The following UBE2E1 variants were observed in gnomAD, a reference collection of about 807,000 sequenced individuals.
UBE2E1 encodes the protein ubiquitin conjugating enzyme E2 E1.
A neutral mutation model predicts 21.4 loss-of-function variants in UBE2E1; 6 were observed. The ratio of observed to expected loss-of-function variants is 0.28; its 90% CI spans 0.15 to 0.55. The LOEUF is 0.55. Ranked by LOEUF, UBE2E1 falls within the 20% of genes least tolerant of loss-of-function variation. UBE2E1 has a pLI of 0.93. For missense variants in UBE2E1, 142 were observed against 236.5 expected (o/e 0.60, Z 2.62); for synonymous variants, 87 against 82.7 (o/e 1.05, Z -0.28).
At chr3:23,885,689 C>T (rs528111789) in intron 3 of UBE2E1, among the ~76,000 whole-genome samples, 24 of 151,906 alleles carry the variant, frequency 1.6e-4, no homozygotes, top group African/African-American at 3.1e-4. Context: ...GGTGAAACCC[C>T]ATCTATACTA....
intron 3 of UBE2E1, among the ~76,000 whole-genome samples, chr3:23,877,957 G>A (rs1575036075): frequency 1.3e-5 from 2 of 152,052 alleles, no homozygotes; most frequent in East Asian, 3.9e-4. Flanking sequence ...GAAATACGCT[G>A]GCACTGTTGC....
intron 3 of UBE2E1, among the ~76,000 whole-genome samples, chr3:23,813,026 T>A (rs1353190513): frequency 6.6e-6 from 1 of 151,750 alleles, no homozygotes; most frequent in Admixed American, 6.6e-5. Context: ...TACACTTCAG[T>A]TTCACATCGT....
At chr3:23,862,068 G>T (rs996974644) in intron 3 of UBE2E1, among the ~76,000 whole-genome samples, 3 of 152,206 alleles carry the variant, frequency 2.0e-5, no homozygotes, top group African/African-American at 7.2e-5. Flanking sequence ...CGTGGGGTCG[G>T]CGCCTCACAG....
At chr3:23,812,139 T>C (rs1699408238) in intron 3 of UBE2E1, among the ~76,000 whole-genome samples, 1 of 152,186 alleles carries the variant, frequency 6.6e-6, no homozygotes, top group South Asian at 2.1e-4. Context: ...AAGGGTTTGT[T>C]GATCACAGCT....
rs575383647 is a variant in UBE2E1 at position 23,884,530 on chromosome 3, T to C, written c.204-3037T>C. On this transcript the variant is annotated intron_variant, in intron 3 of 5. Transcript: ENST00000306627. ...GATTATTTTGATGCACAGTGAAATT[T>C]GGGAATCACCAATTTTCTGTACAAT... is the stretch of plus-strand genomic sequence containing the variant. Among the ~76,000 whole-genome samples, 79 of 152,274 alleles carry C rather than the reference T, an allele frequency of 5.2e-4. No homozygotes were observed. The South Asian group carries it at 0.016, about 31-fold the overall frequency.
chr3:23,888,356 C>G (rs1701243025), intron 4 of UBE2E1: 2 of 412,162 alleles, frequency 4.9e-6, no homozygotes, highest in Non-Finnish European at 9.7e-6. Context: ...GGTAGACTGC[C>G]AGATAAAAGT....
chr3:23,807,553 C>A, intron 2 of UBE2E1, 132 bp downstream of exon 2: 1 of 1,108,574 alleles, frequency 9.0e-7, no homozygotes, highest in Non-Finnish European at 1.2e-6. Flanking sequence ...GAAAGAAGGG[C>A]CTTGGAAGCC....
intron 3 of UBE2E1, among the ~76,000 whole-genome samples, chr3:23,815,218 G>C (rs369661327): frequency 2.0e-4 from 30 of 152,306 alleles, no homozygotes; most frequent in African/African-American, 6.7e-4. Context: ...CTGGCCTCAA[G>C]CCGTCCACCC....
chr3:23,845,027 G>A (rs184578325), intron 3 of UBE2E1, among the ~76,000 whole-genome samples: 1 of 152,196 alleles, frequency 6.6e-6, no homozygotes, highest in East Asian at 1.9e-4. Context: ...CTCACCACAA[G>A]GAGGTAAATA....
At chr3:23,873,364 G>A (rs991322178) in intron 3 of UBE2E1, among the ~76,000 whole-genome samples, 21 of 152,200 alleles carry the variant, frequency 1.4e-4, no homozygotes, top group African/African-American at 5.1e-4. Context: ...TGTACTGAGG[G>A]AAGGTACAGG....
intron 3 of UBE2E1, among the ~76,000 whole-genome samples, chr3:23,846,841 A>G (rs146623235): frequency 1.3e-5 from 2 of 152,226 alleles, no homozygotes; most frequent in East Asian, 1.9e-4. Flanking sequence ...TTAACTGCCT[A>G]TAGTAAAAAT....
chr3:23,877,512 C>T (rs1200697732), intron 3 of UBE2E1, among the ~76,000 whole-genome samples: 1 of 152,142 alleles, frequency 6.6e-6, no homozygotes, highest in Non-Finnish European at 1.5e-5. Flanking sequence ...TCCCTGGCCT[C>T]TATCCACCAG....
In UBE2E1 at chr3:23,891,021, T is replaced by C. The variant is rs1701411793; in HGVS notation, c.*415T>C. On this transcript the variant is annotated 3_prime_UTR_variant, in exon 6 of 6. Transcript: ENST00000306627. The stretch of plus-strand genomic sequence containing the variant: ...TGTTTTCCCTTCTTGGAAGGGAACA[T>C]TGATATTTAACAGAGTTTTTAGAGA... 2 of 153,734 alleles carry C rather than the reference T, an allele frequency of 1.3e-5. No individual in the cohort carries two copies. Among genetic ancestry groups the C allele is most frequent in the African/African-American group, 2.4e-5 (1 of 41,500 alleles). The allele number at this position is 153,734 out of a possible 1,614,324, so 9.5% of individuals were successfully genotyped here.
chr3:23,890,603 A>G lies in UBE2E1; in HGVS notation c.579A>G (p.Thr193=). 6 of 1,612,914 alleles carry G rather than the reference A, an allele frequency of 3.7e-6. No homozygotes were observed. The South Asian group carries it at 5.5e-5, about 15-fold the overall frequency. ...GACAGTGGACCAAGAGATACGCTACATAAATTGGGGTTTCACAATTCTTAC... is the reference window on the plus strand; with the variant it reads ...GACAGTGGACCAAGAGATACGCTACGTAAATTGGGGTTTCACAATTCTTAC... The part of the protein sequence containing the change: ...MARQWTKRYA[T] Residue 193 remains threonine, a synonymous_variant, in exon 6 of 6, where the codon ACA becomes ACG. Coordinates refer to ENST00000306627, the MANE Select transcript of UBE2E1 (RefSeq NM_003341.5).
chr3:23,843,927 C>T lies in UBE2E1; in HGVS notation c.203+32417C>T, dbSNP rs150135980. Among the ~76,000 whole-genome samples, 6 of 152,128 alleles carry T rather than the reference C, an allele frequency of 3.9e-5. No homozygotes were observed. The East Asian group carries it at 1.2e-3, about 29-fold the overall frequency. ...TTTAATGTATTTTTTTCTGGTTGCC[C>T]GAGTTACAGATATTGCCATCTTTAT... On this transcript the variant is annotated intron_variant, in intron 3 of 5. Coordinates refer to ENST00000306627, the MANE Select transcript of UBE2E1 (RefSeq NM_003341.5).
At chr3:23,881,178 C>T (rs1489463572) in intron 3 of UBE2E1, among the ~76,000 whole-genome samples, 2 of 152,092 alleles carry the variant, frequency 1.3e-5, no homozygotes, top group South Asian at 2.1e-4. Flanking sequence ...CATCCCCGCT[C>T]CTATTGTTTA....
At chr3:23,861,777 G>A (rs1005183745) in intron 3 of UBE2E1, among the ~76,000 whole-genome samples, 3 of 152,182 alleles carry the variant, frequency 2.0e-5, no homozygotes, top group African/African-American at 4.8e-5. Context: ...GCCACCAAGC[G>A]GCCAGACTCC....
At chr3:23,824,307 G>C (rs764308741) in intron 3 of UBE2E1, among the ~76,000 whole-genome samples, 1 of 152,172 alleles carries the variant, frequency 6.6e-6, no homozygotes, top group Non-Finnish European at 1.5e-5. Context: ...TCTGTGTCCT[G>C]TTTATTGTGA....
chr3:23,822,933 G>A (rs1699676765), intron 3 of UBE2E1, among the ~76,000 whole-genome samples: 1 of 147,840 alleles, frequency 6.8e-6, no homozygotes, highest in Non-Finnish European at 1.5e-5. Context: ...TGTTACCTGT[G>A]CCTCCCGGGT....
Sources: gnomAD v4.1 joint callset for allele counts (sites outside exome capture counted in the v4.1 genomes callset) on GRCh38, gnomAD v4.1.1 for gene constraint, MANE v1.5 for transcripts, NCBI Gene and HGNC (gene_info 2026-07-23, HGNC 2026-07-21) for gene names.